Variants in TBC1D2 observed in about 807,000 individuals in gnomAD.
TBC1D2 encodes TBC1 domain family member 2.
In TBC1D2, 58 loss-of-function variants were observed where a neutral mutation model predicts 91.1. The observed-to-expected ratio is 0.64, with a 90% CI of 0.52 to 0.79. The LOEUF (loss-of-function observed/expected upper bound fraction) is 0.79. TBC1D2 is among the 30% of genes least tolerant of loss of function. The probability of loss-of-function intolerance (pLI) is 0.00; values close to 1 mark genes in which losing one functional copy is unlikely to be tolerated. For missense variants in TBC1D2, 1,080 were observed against 1,208.3 expected, an observed-to-expected ratio of 0.89 and a Z score of 1.57; for synonymous variants, 482 against 511.5, an observed-to-expected ratio of 0.94 and a Z score of 0.78.
At chr9:98,225,735 G>A (rs572034901) in intron 5 of TBC1D2, among the ~76,000 whole-genome samples, 11 of 152,322 alleles carry the variant, frequency 7.2e-5, no homozygotes, top group African/African-American at 1.4e-4. Context: ...TCCTGGGGCC[G>A]CGCTTCATAC....
At chr9:98,201,451 C>T (rs1828499180) in intron 11 of TBC1D2, 28 bp downstream of exon 11, 1 of 1,604,820 alleles carries the variant, frequency 6.2e-7, no homozygotes, top group Admixed American at 1.7e-5. Context: ...CTCAGGGGCC[C>T]CCTGCCCATC....
intron 5 of TBC1D2, among the ~76,000 whole-genome samples, chr9:98,222,137 T>C (rs575067095): frequency 5.9e-5 from 9 of 152,312 alleles, no homozygotes; most frequent in African/African-American, 2.2e-4. Flanking sequence ...TCAATCTCAA[T>C]TGGCTAGATT....
At chr9:98,221,346 T>G in intron 5 of TBC1D2, 118 bp from the exon 6 acceptor site, 1 of 1,251,096 alleles carries the variant, frequency 8.0e-7, no homozygotes, top group South Asian at 1.6e-5. Context: ...GCAGCATCCC[T>G]GCGGCATCTC....
intron 4 of TBC1D2, among the ~76,000 whole-genome samples, chr9:98,232,249 C>G (rs1212998939): frequency 6.6e-6 from 1 of 151,832 alleles, no homozygotes; most frequent in African/African-American, 2.4e-5. Flanking sequence ...ATAGCACTGG[C>G]CTTCTCTTGG....
chr9:98,209,760 C>CTTCCT (rs1554751803), intron 8 of TBC1D2, among the ~76,000 whole-genome samples: 3 of 65,622 alleles, frequency 4.6e-5, no homozygotes, highest in East Asian at 7.6e-4. Flanking sequence ...CCTTCCTTTC[C>CTTCCT]TTCCTTCCTT....
intron 1 of TBC1D2, among the ~76,000 whole-genome samples, chr9:98,254,861 T>C (rs1829939898): frequency 6.6e-6 from 1 of 152,194 alleles, no homozygotes; most frequent in Non-Finnish European, 1.5e-5. Flanking sequence ...AAAGTTTTGA[T>C]TCAGCACTGA....
intron 12 of TBC1D2, among the ~76,000 whole-genome samples, chr9:98,199,812 G>A (rs1588023248): frequency 6.6e-6 from 1 of 152,208 alleles, no homozygotes; most frequent in East Asian, 1.9e-4. Flanking sequence ...GGGAAGGGCT[G>A]GTCAGGGAAG....
At chr9:98,212,913 C>T (rs543588530) in intron 7 of TBC1D2, among the ~76,000 whole-genome samples, 195 bp downstream of exon 7, 5 of 152,280 alleles carry the variant, frequency 3.3e-5, no homozygotes, top group Admixed American at 6.5e-5. Flanking sequence ...ACTCAGTGAA[C>T]GCTGCGGAAC....
chr9:98,235,328 G>A (rs1368561724), intron 3 of TBC1D2: 1 of 417,538 alleles, frequency 2.4e-6, no homozygotes, highest in South Asian at 2.0e-5. Context: ...GAAGATAGAG[G>A]CCTTGAGAAA....
At chr9:98,233,664 A>C (rs751808552) in intron 3 of TBC1D2, 115 bp from the exon 4 acceptor site, 19 of 1,492,642 alleles carry the variant, frequency 1.3e-5, no homozygotes, top group Non-Finnish European at 1.7e-5. Flanking sequence ...TGTCATCCTG[A>C]CTGGTCTCCC....
At chr9:98,206,543 T>A (rs1828660455) in intron 9 of TBC1D2, among the ~76,000 whole-genome samples, 1 of 151,972 alleles carries the variant, frequency 6.6e-6, no homozygotes. Flanking sequence ...CAGGTTGAAC[T>A]CCAAAAGCAG....
intron 2 of TBC1D2, among the ~76,000 whole-genome samples, chr9:98,247,571 A>G (rs566754526): frequency 2.0e-5 from 3 of 151,912 alleles, no homozygotes; most frequent in African/African-American, 7.2e-5. Flanking sequence ...TAATAAAAAT[A>G]CAAAAAAATT....
intron 9 of TBC1D2, among the ~76,000 whole-genome samples, chr9:98,206,377 G>A (rs917644249): frequency 9.2e-5 from 14 of 152,190 alleles, no homozygotes; most frequent in Non-Finnish European, 1.8e-4. Context: ...AAACCCGTCT[G>A]GGGACCTTCC....
chr9:98,248,862 C>T (rs929709862), intron 2 of TBC1D2, among the ~76,000 whole-genome samples: 3 of 152,152 alleles, frequency 2.0e-5, no homozygotes, highest in Admixed American at 6.5e-5. Flanking sequence ...TCTTTCTTGG[C>T]TCTGCGGAGA....
intron 8 of TBC1D2, among the ~76,000 whole-genome samples, chr9:98,209,718 TTTCC>T (rs5899335): frequency 0.073 from 10,040 of 137,442 alleles, 808 homozygotes; most frequent in African/African-American, 0.15. Context: ...ATCTTTTTTT[TTTCC>T]TTCCTTCCTT....
chr9:98,224,043 C>T (rs1043023444), intron 5 of TBC1D2, among the ~76,000 whole-genome samples: 9 of 151,698 alleles, frequency 5.9e-5, no homozygotes, highest in Middle Eastern at 3.4e-3. Flanking sequence ...ACTAAAAATA[C>T]AAAAAAATTA....
chr9:98,209,718 T>TTTCC (rs5899335), intron 8 of TBC1D2, among the ~76,000 whole-genome samples: 2 of 138,068 alleles, frequency 1.4e-5, no homozygotes, highest in African/African-American at 5.7e-5. Context: ...ATCTTTTTTT[T>TTTCC]TTCCTTCCTT....
chr9:98,210,736 C>G lies in TBC1D2; in HGVS notation c.1593G>C (p.Leu531=). 2.5e-6 allele frequency: 4 copies of G among 1,589,220 alleles called. No homozygotes were observed. The highest frequency in any genetic ancestry group is 3.4e-6 in the Non-Finnish European group (4 of 1,167,624). Residue 531 remains leucine, a synonymous_variant, in exon 8 of 13, where the codon CTG becomes CTC. Coordinates refer to ENST00000465784, the MANE Select transcript of TBC1D2 (RefSeq NM_001267571.2). ...LGDEASECSE[L]LRQLVQEALQ... ...GTGCCTCCTGGACAAGCTGCCTCAG[C>G]AGCTCTGAGCACTCGCTGGCTTCGT...
intron 9 of TBC1D2, among the ~76,000 whole-genome samples, chr9:98,204,145 C>T (rs763149169): frequency 2.6e-5 from 4 of 152,188 alleles, no homozygotes; most frequent in Non-Finnish European, 5.9e-5. Flanking sequence ...TTCTCTACTT[C>T]TCCCATCTTC....
Sources: gnomAD v4.1 joint callset for allele counts (sites outside exome capture counted in the v4.1 genomes callset) on GRCh38, gnomAD v4.1.1 for gene constraint, MANE v1.5 for transcripts, NCBI Gene and HGNC (gene_info 2026-07-23, HGNC 2026-07-21) for gene names.